WWOX: variants seen among roughly 807,000 people sequenced by gnomAD.
The protein encoded by WWOX is WW domain-containing oxidoreductase.
A neutral mutation model predicts 46.2 loss-of-function variants in WWOX; 69 were observed. The ratio of observed to expected loss-of-function variants is 1.49; its 90% CI spans 1.23 to 1.82. The LOEUF is 1.82. Ranked by LOEUF, WWOX falls within the 40% of genes most tolerant of loss-of-function variation. WWOX has a pLI of 0.00. For synonymous variants in WWOX, 359 were observed against 202.6 expected, an observed-to-expected ratio of 1.77 and a Z score of -6.56; for missense variants, 919 against 542.6, an observed-to-expected ratio of 1.69 and a Z score of -6.89.
chr16:79,104,337 T>A (rs1380850459), intron 8 of WWOX, among the ~76,000 whole-genome samples: 1 of 152,190 alleles, frequency 6.6e-6, no homozygotes, highest in East Asian at 1.9e-4. Context: ...GACACATCAT[T>A]TTCCTTCAAA....
At chr16:79,034,340 A>G (rs921679060) in intron 8 of WWOX, among the ~76,000 whole-genome samples, 7 of 152,198 alleles carry the variant, frequency 4.6e-5, no homozygotes, top group African/African-American at 1.7e-4. Flanking sequence ...TGGGCATTGT[A>G]TATGTTTTGA....
At chr16:78,382,147 A>C (rs969546928) in intron 5 of WWOX, among the ~76,000 whole-genome samples, 4 of 152,208 alleles carry the variant, frequency 2.6e-5, no homozygotes, top group African/African-American at 9.7e-5. Flanking sequence ...GACAGGGACC[A>C]AGTCATGGAC....
intron 8 of WWOX, among the ~76,000 whole-genome samples, chr16:78,692,146 A>T (rs1185251844): frequency 6.6e-6 from 1 of 152,130 alleles, no homozygotes; most frequent in Non-Finnish European, 1.5e-5. Context: ...GTGAAAACGG[A>T]CTAATACAGT....
intron 8 of WWOX, among the ~76,000 whole-genome samples, chr16:78,727,492 C>CT (rs1258614860): frequency 6.6e-6 from 1 of 152,104 alleles, no homozygotes; most frequent in Non-Finnish European, 1.5e-5. Flanking sequence ...TACGTGTTTC[C>CT]TAGCCCATAG....
intron 5 of WWOX, among the ~76,000 whole-genome samples, chr16:78,266,428 C>T (rs545274119): frequency 3.3e-5 from 5 of 152,282 alleles, no homozygotes; most frequent in African/African-American, 1.2e-4. Flanking sequence ...CCCATAAAGC[C>T]TAAAATACTC....
intron 8 of WWOX, among the ~76,000 whole-genome samples, chr16:79,128,415 G>T (rs562493228): frequency 1.3e-5 from 2 of 151,712 alleles, no homozygotes; most frequent in African/African-American, 4.8e-5. Context: ...CCCCAAATTT[G>T]TCCTTTTAAC....
At chr16:78,577,319 T>C (rs144164876) in intron 8 of WWOX, among the ~76,000 whole-genome samples, 26 of 152,332 alleles carry the variant, frequency 1.7e-4, no homozygotes, top group African/African-American at 6.0e-4. Context: ...AGGGCAAATA[T>C]ATGTTTAAAA....
chr16:78,229,500 C>CTATCTA (rs1555506138), intron 5 of WWOX, among the ~76,000 whole-genome samples: 60 of 110,520 alleles, frequency 5.4e-4, no homozygotes, highest in African/African-American at 1.8e-3. Context: ...ATATATTTAT[C>CTATCTA]TATATCTATA....
chr16:78,316,089 TA>T (rs112853696), intron 5 of WWOX, among the ~76,000 whole-genome samples: 10 of 147,946 alleles, frequency 6.8e-5, no homozygotes, highest in South Asian at 2.2e-4. Flanking sequence ...CTACTGAAAA[TA>T]AAAAAAAAAT....
intron 8 of WWOX, among the ~76,000 whole-genome samples, chr16:78,601,289 C>G (rs912068966): frequency 1.7e-4 from 26 of 152,250 alleles, no homozygotes; most frequent in Admixed American, 1.6e-3. Flanking sequence ...TTGTGAAAAG[C>G]AAGTTGCAAA....
chr16:78,588,437 G>A (rs1454349123), intron 8 of WWOX, among the ~76,000 whole-genome samples: 1 of 152,180 alleles, frequency 6.6e-6, no homozygotes, highest in Non-Finnish European at 1.5e-5. Context: ...CTCTCAGGAA[G>A]TTCTTGTTCA....
chr16:78,696,742 G>A (rs944323886), intron 8 of WWOX, among the ~76,000 whole-genome samples: 18 of 152,000 alleles, frequency 1.2e-4, no homozygotes, highest in African/African-American at 4.1e-4. Context: ...GGTGATTGGC[G>A]AGACTTTGGT....
At chr16:78,813,961 C>A (rs574700403) in intron 8 of WWOX, among the ~76,000 whole-genome samples, 6 of 152,280 alleles carry the variant, frequency 3.9e-5, no homozygotes, top group African/African-American at 1.4e-4. Context: ...CTCCCCACCC[C>A]CAATTCTATA....
At chr16:78,935,572 C>T (rs1015658824) in intron 8 of WWOX, among the ~76,000 whole-genome samples, 2 of 144,684 alleles carry the variant, frequency 1.4e-5, no homozygotes, top group South Asian at 2.2e-4. Context: ...CACTTGGACA[C>T]AGGAAGGGGA....
At chr16:79,204,506 C>T (rs1025418757) in intron 8 of WWOX, 1 of 152,142 alleles carries the variant, frequency 6.6e-6, no homozygotes, top group Non-Finnish European at 1.5e-5. Context: ...TGTTACAACT[C>T]GTCCCATTTA....
intron 8 of WWOX, among the ~76,000 whole-genome samples, chr16:78,441,675 C>G (rs1434324171): frequency 6.6e-6 from 1 of 152,060 alleles, no homozygotes; most frequent in East Asian, 1.9e-4. Flanking sequence ...GGGCAAGGTT[C>G]AAAACCTGAT....
intron 8 of WWOX, among the ~76,000 whole-genome samples, chr16:78,482,373 C>T (rs748768706): frequency 3.9e-5 from 6 of 152,130 alleles, no homozygotes; most frequent in South Asian, 2.1e-4. Flanking sequence ...AGGCATGCAC[C>T]ACCATAGCTG....
At chr16:78,849,227 C>A (rs182042082) in intron 8 of WWOX, among the ~76,000 whole-genome samples, 1 of 152,178 alleles carries the variant, frequency 6.6e-6, no homozygotes, top group Non-Finnish European at 1.5e-5. Context: ...GGGCATGTTG[C>A]TACAGAGTCA....
intron 8 of WWOX, among the ~76,000 whole-genome samples, chr16:78,591,080 G>A (rs1221831363): frequency 1.3e-5 from 2 of 152,146 alleles, no homozygotes; most frequent in Middle Eastern, 3.2e-3. Flanking sequence ...GTGGTGAGAG[G>A]TGACATGCCA....
Sources: gnomAD v4.1 joint callset for allele counts (sites outside exome capture counted in the v4.1 genomes callset) on GRCh38, gnomAD v4.1.1 for gene constraint, MANE v1.5 for transcripts, NCBI Gene and HGNC (gene_info 2026-07-23, HGNC 2026-07-21) for gene names.